The following DPP6 variants were observed in gnomAD, a reference collection of about 807,000 sequenced individuals.
DPP6 encodes dipeptidyl peptidase like 6.
Under a neutral mutation model 122.6 loss-of-function variants are expected in DPP6, and 69 were observed. The observed-to-expected ratio is 0.56, with a 90% CI of 0.46 to 0.69. The LOEUF (loss-of-function observed/expected upper bound fraction) is 0.69. Ranked by LOEUF, DPP6 falls within the 30% of genes least tolerant of loss-of-function variation. DPP6 has a pLI of 0.00. For synonymous variants in DPP6, 418 were observed against 433.1 expected, an observed-to-expected ratio of 0.97 and a Z score of 0.43; for missense variants, 928 against 1,116.9, an observed-to-expected ratio of 0.83 and a Z score of 2.41.
Position 154,053,152 on chromosome 7 carries a change from G to C in DPP6, c.243+89G>C, listed in dbSNP as rs995209568. 14 of 911,178 alleles carry C rather than the reference G, an allele frequency of 1.5e-5. No individual in the cohort carries two copies. The African/African-American group carries it at 1.8e-4, about 12-fold the overall frequency. The allele number at this position is 911,178 out of a possible 1,614,324, so 56.4% of individuals were successfully genotyped here. On this transcript the variant is annotated intron_variant, in intron 1 of 25. Transcript: ENST00000377770. Reference sequence around the variant, plus strand: ...CGTCGGCAGGGGAAATTTTTTTTGGGGGGGGAATCAGGCGCCCTCCCCCCG... The same window carrying C: ...CGTCGGCAGGGGAAATTTTTTTTGGCGGGGGAATCAGGCGCCCTCCCCCCG...
intron 1 of DPP6, among the ~76,000 whole-genome samples, chr7:154,178,693 A>G (rs1410876072): frequency 6.6e-6 from 1 of 152,136 alleles, no homozygotes; most frequent in Non-Finnish European, 1.5e-5. Flanking sequence ...TTTATATAGG[A>G]TTTTATCATT....
rs143926954 is a variant in DPP6, at chr7:154,854,006, AG to A, written c.1714+180del. ...ATCAACGAAATATGATGAAAGTCAA[AG>A]TCCGCATACCCCTGCCAGAGGGCCC... On this transcript the variant is annotated intron_variant, in intron 17 of 25. Coordinates refer to ENST00000377770, the MANE Select transcript of DPP6 (RefSeq NM_130797.4). 8.5e-3 allele frequency among the ~76,000 whole-genome samples: 1,297 copies of A among 152,322 alleles called. 14 individuals are homozygous for A. Among genetic ancestry groups the A allele is most frequent in the African/African-American group, 0.029 (1,198 of 41,572 alleles).
rs373289988 is a variant in DPP6, at chr7:154,446,040, GGCAGAAGGGT to G, written c.244-163_244-154del. Reference sequence around the variant, plus strand: ...CAGCCGAAGGCTTTGGGCCACTGAAGGCAGAAGGGTGCAGAAGGGTACAAAAGGGAACTAA... The same window carrying G: ...CAGCCGAAGGCTTTGGGCCACTGAAGGCAGAAGGGTACAAAAGGGAACTAA... On this transcript the variant is annotated intron_variant, in intron 1 of 25. Coordinates refer to ENST00000377770, the MANE Select transcript of DPP6 (RefSeq NM_130797.4). 1.5e-3 allele frequency among the ~76,000 whole-genome samples: 221 copies of G among 152,326 alleles called. 3 individuals are homozygous for G. Among genetic ancestry groups the G allele is most frequent in the African/African-American group, 4.8e-3 (199 of 41,566 alleles).
At chr7:154,590,513 A>T (rs993004758) in intron 5 of DPP6, among the ~76,000 whole-genome samples, 1 of 89,334 alleles carries the variant, frequency 1.1e-5, no homozygotes, top group Non-Finnish European at 2.2e-5. Context: ...GCCTTTGTTT[A>T]CTAATAAGGT....
chr7:154,055,468 A>G (rs1454792796), intron 1 of DPP6: 1 of 150,676 alleles, frequency 6.6e-6, no homozygotes, highest in Non-Finnish European at 1.5e-5. Flanking sequence ...AAAAACAAAA[A>G]AAGAGATTAG....
intron 10 of DPP6, 175 bp from the exon 11 acceptor site, chr7:154,793,904 C>T: frequency 1.9e-6 from 2 of 1,034,820 alleles, no homozygotes; most frequent in Non-Finnish European, 1.4e-6. Flanking sequence ...CTCAGAGTCC[C>T]GCGCCAGTGC....
intron 1 of DPP6, among the ~76,000 whole-genome samples, chr7:154,317,783 T>C (rs568060446): frequency 3.9e-5 from 6 of 152,300 alleles, no homozygotes; most frequent in African/African-American, 1.4e-4. Flanking sequence ...TTGGCTTGGC[T>C]TGAAACACAA....
chr7:153,862,672 G>A, the DPP6 span, among the ~76,000 whole-genome samples: 1 of 152,192 alleles, frequency 6.6e-6, no homozygotes, highest in East Asian at 1.9e-4. Context: ...GGCTGTGTTT[G>A]TGCTTGCCAA....
intron 1 of DPP6, among the ~76,000 whole-genome samples, chr7:154,287,787 A>T (rs1224531197): frequency 6.6e-6 from 1 of 152,158 alleles, no homozygotes; most frequent in Non-Finnish European, 1.5e-5. Flanking sequence ...CAGAGTAGAA[A>T]ATCCAGGGAG....
intron 1 of DPP6, chr7:154,095,013 C>G (rs542124231): frequency 1.2e-4 from 19 of 152,504 alleles, no homozygotes; most frequent in African/African-American, 4.6e-4. Flanking sequence ...GGAGGGAGCT[C>G]TCAGTATCTG....
At chr7:154,369,965 C>CATGCATTTATTT in intron 1 of DPP6, among the ~76,000 whole-genome samples, 1 of 145,934 alleles carries the variant, frequency 6.9e-6, no homozygotes, top group South Asian at 2.2e-4. Flanking sequence ...CAGATATATG[C>CATGCATTTATTT]ATTTATTTAT....
chr7:154,285,888 G>A (rs1431648282), intron 1 of DPP6, among the ~76,000 whole-genome samples: 2 of 152,218 alleles, frequency 1.3e-5, no homozygotes, highest in South Asian at 2.1e-4. Flanking sequence ...AAACTCCGGC[G>A]TGTTTTTCAT....
intron 1 of DPP6, among the ~76,000 whole-genome samples, chr7:154,022,385 A>T (rs1798746016): frequency 6.6e-6 from 1 of 152,330 alleles, no homozygotes; most frequent in Non-Finnish European, 1.5e-5. Flanking sequence ...GGACACTTGC[A>T]TTTGCCTTTG....
At chr7:154,395,889 T>C (rs908041252) in intron 1 of DPP6, among the ~76,000 whole-genome samples, 3 of 151,914 alleles carry the variant, frequency 2.0e-5, no homozygotes, top group South Asian at 2.1e-4. Flanking sequence ...TCACTCTGGG[T>C]TTTTGTATGG....
In DPP6 at chr7:154,422,077, AG is replaced by A. The variant is rs546870870; in HGVS notation, c.244-24136del. 5.5e-4 allele frequency among the ~76,000 whole-genome samples: 84 copies of A among 152,332 alleles called. 1 individual carries two copies. The highest frequency in any genetic ancestry group is 3.4e-3 in the Middle Eastern group (1 of 294). Reference sequence around the variant, plus strand: ...TTGCTACCACCCTTTGGCCCAAGGGAGCAGTTAGTGAAACTCAGCAAATGTC... The same window carrying A: ...TTGCTACCACCCTTTGGCCCAAGGGACAGTTAGTGAAACTCAGCAAATGTC... On this transcript the variant is annotated intron_variant, in intron 1 of 25. Transcript: ENST00000377770.
At chr7:154,399,797 C>T (rs1324023434) in intron 1 of DPP6, among the ~76,000 whole-genome samples, 1 of 152,118 alleles carries the variant, frequency 6.6e-6, no homozygotes, top group Non-Finnish European at 1.5e-5. Context: ...GGGGTGTGCA[C>T]TTTAAATGGC....
rs1450959824 is a variant in DPP6, at chr7:154,313,723, ACGCACG to A, written c.244-132489_244-132484del. Among the ~76,000 whole-genome samples the A allele has an allele frequency of 2.7e-3, 143 of 53,524 alleles. 22 individuals are homozygous for A. The highest frequency in any genetic ancestry group is 9.5e-3 in the African/African-American group (122 of 12,852). 35.1% of individuals were successfully genotyped at this position (53,524 alleles called of 152,430 possible). ...TATATATATATATATATACACACAC[ACGCACG>A]CACACACACACACACACACACACCC... On this transcript the variant is annotated intron_variant, in intron 1 of 25. Coordinates refer to ENST00000377770, the MANE Select transcript of DPP6 (RefSeq NM_130797.4).
At chr7:154,156,509 CT>C (rs1158160901) in intron 1 of DPP6, among the ~76,000 whole-genome samples, 1 of 152,186 alleles carries the variant, frequency 6.6e-6, no homozygotes, top group Non-Finnish European at 1.5e-5. Context: ...TGGAGTTGAT[CT>C]TTATTGGATA....
chr7:154,806,881 T>TA, intron 15 of DPP6, 113 bp from the exon 16 acceptor site: 1 of 1,414,398 alleles, frequency 7.1e-7, no homozygotes, highest in South Asian at 1.4e-5. Flanking sequence ...GGGGGGTCTG[T>TA]AGCAGGGCTC....
Sources: gnomAD v4.1 joint callset for allele counts (sites outside exome capture counted in the v4.1 genomes callset) on GRCh38, gnomAD v4.1.1 for gene constraint, MANE v1.5 for transcripts, NCBI Gene and HGNC (gene_info 2026-07-23, HGNC 2026-07-21) for gene names.